KLF8: variants seen among roughly 807,000 people sequenced by gnomAD.
KLF8 encodes the protein KLF transcription factor 8.
KLF8 carries 10 observed loss-of-function variants against 18.2 expected under a neutral mutation model. The ratio of observed to expected loss-of-function variants is 0.55; its 90% CI spans 0.34 to 0.93. KLF8 has a LOEUF of 0.93. Among genes scored for constraint, KLF8 ranks in the 40% least tolerant of loss-of-function variants. The pLI, the probability that KLF8 is intolerant of heterozygous loss-of-function variation, is 0.02. For missense variants in KLF8, 264 were observed against 277.9 expected, an observed-to-expected ratio of 0.95 and a Z score of 0.36; for synonymous variants, 109 against 97.3, an observed-to-expected ratio of 1.12 and a Z score of -0.71.
At chrX:56,016,644 A>G in the KLF8 span, among the ~76,000 whole-genome samples, 1 of 111,676 alleles carries the variant, frequency 9.0e-6, no homozygotes, top group Non-Finnish European at 1.9e-5. Flanking sequence ...ATGGGAAACT[A>G]AGGCATAAAG....
At chrX:55,916,360 C>G in the KLF8 span, among the ~76,000 whole-genome samples, 1 of 111,702 alleles carries the variant, frequency 9.0e-6, no homozygotes, top group Admixed American at 9.5e-5. Flanking sequence ...AGGCTACGTC[C>G]TGCTATTTTG....
chrX:56,091,859 T>C, the KLF8 span, among the ~76,000 whole-genome samples: 5 of 111,994 alleles, frequency 4.5e-5, no homozygotes, highest in African/African-American at 1.3e-4. Flanking sequence ...TGAATGCTAG[T>C]TCCATTTTTA....
chrX:56,115,367 G>A, the KLF8 span, among the ~76,000 whole-genome samples: 1 of 111,844 alleles, frequency 8.9e-6, no homozygotes, highest in Non-Finnish European at 1.9e-5. Flanking sequence ...CTCAAGTCCT[G>A]ATTTATCTCA....
the KLF8 span, among the ~76,000 whole-genome samples, chrX:56,220,537 G>C: frequency 1.8e-5 from 2 of 111,008 alleles, no homozygotes; most frequent in African/African-American, 6.6e-5. Flanking sequence ...CCAGGATGGA[G>C]TGCAATGGCT....
chrX:56,041,531 T>G, the KLF8 span, among the ~76,000 whole-genome samples: 1 of 110,817 alleles, frequency 9.0e-6, no homozygotes, highest in East Asian at 2.8e-4. Context: ...GAATGGTTTT[T>G]CATGTCTCTA....
chrX:56,239,696 A>G (rs1447065193), intron 1 of KLF8, among the ~76,000 whole-genome samples: 2 of 112,137 alleles, frequency 1.8e-5, no homozygotes, highest in African/African-American at 6.5e-5. Flanking sequence ...TAGTAGTTCT[A>G]CTTTCTCCAA....
the KLF8 span, among the ~76,000 whole-genome samples, chrX:56,223,650 G>A: frequency 8.9e-6 from 1 of 112,598 alleles, no homozygotes; most frequent in Non-Finnish European, 1.9e-5. Flanking sequence ...TAGTGGGAGA[G>A]ATAGGCATAG....
chrX:56,209,767 G>C, the KLF8 span, among the ~76,000 whole-genome samples: 1 of 111,180 alleles, frequency 9.0e-6, no homozygotes, highest in Non-Finnish European at 1.9e-5. Context: ...CTGGTTATAT[G>C]ATTTTGTTTA....
the KLF8 span, among the ~76,000 whole-genome samples, chrX:56,005,529 GGGGGT>G: frequency 1.8e-5 from 2 of 112,029 alleles, no homozygotes; most frequent in African/African-American, 6.5e-5. Flanking sequence ...TGGCAGCACA[GGGGGT>G]GGGGTGGGGT....
chrX:55,986,725 T>TTAA, the KLF8 span, among the ~76,000 whole-genome samples: 1 of 111,998 alleles, frequency 8.9e-6, no homozygotes, highest in East Asian at 2.8e-4. Context: ...GTTCACAGAG[T>TTAA]TAATGTACAA....
the KLF8 span, among the ~76,000 whole-genome samples, chrX:56,187,196 C>T: frequency 1.8e-5 from 2 of 111,404 alleles, no homozygotes; most frequent in Non-Finnish European, 3.8e-5. Flanking sequence ...GGGATATCAC[C>T]ATCGATCCCA....
chrX:56,077,789 C>T, the KLF8 span, among the ~76,000 whole-genome samples: 1 of 111,504 alleles, frequency 9.0e-6, no homozygotes, highest in Non-Finnish European at 1.9e-5. Flanking sequence ...GAATGTTCTT[C>T]CATTTGTTTG....
rs1018597232 is a variant in KLF8, at chrX:56,268,883, G to A, written c.647-495G>A. ...AGCACCTACTAGGTGGTAGGTATAC[G>A]TTTCATCTCATTGACTTATTTCTGT... On this transcript the variant is annotated intron_variant, in intron 3 of 5. Coordinates refer to ENST00000468660, the MANE Select transcript of KLF8 (RefSeq NM_007250.5). 1.4e-5 allele frequency: 13 copies of A among 932,175 alleles called. No individual in the cohort carries two copies. In the African/African-American group the frequency reaches 1.4e-4, roughly 10 times the overall value. 76.8% of individuals were successfully genotyped at this position (932,175 alleles called of 1,213,427 possible). A position where few individuals can be genotyped will look rare whatever the true frequency, so the allele number is the denominator to read the frequency against.
chrX:55,946,014 C>T, the KLF8 span, among the ~76,000 whole-genome samples: 760 of 111,618 alleles, frequency 6.8e-3, 30 homozygotes, highest in Admixed American at 0.065. Context: ...GAACATTCCA[C>T]GCTCTTGCAT....
the KLF8 span, among the ~76,000 whole-genome samples, chrX:56,049,646 A>T: frequency 2.9e-5 from 3 of 101,923 alleles, no homozygotes; most frequent in East Asian, 9.1e-4. Flanking sequence ...AAGCTTTTTG[A>T]TGTGCTGCTG....
At chrX:55,941,137 A>AACCAAAACAGCATGGTATTGGT in the KLF8 span, among the ~76,000 whole-genome samples, 1 of 112,234 alleles carries the variant, frequency 8.9e-6, no homozygotes, top group African/African-American at 3.2e-5. Flanking sequence ...AGGCTACAGT[A>AACCAAAACAGCATGGTATTGGT]ACCAAAACAG....
At chrX:56,156,189 C>G in the KLF8 span, among the ~76,000 whole-genome samples, 1 of 112,102 alleles carries the variant, frequency 8.9e-6, no homozygotes, top group South Asian at 3.7e-4. Flanking sequence ...TGTTTATGTT[C>G]TTCTTTGATG....
At chrX:56,052,270 G>A in the KLF8 span, among the ~76,000 whole-genome samples, 1,242 of 112,169 alleles carry the variant, frequency 0.011, 10 homozygotes, top group African/African-American at 0.039. Context: ...CTCTCAGCTC[G>A]TCAAAGTCAT....
At chrX:56,180,745 G>C in the KLF8 span, among the ~76,000 whole-genome samples, 1 of 111,694 alleles carries the variant, frequency 9.0e-6, no homozygotes, top group Non-Finnish European at 1.9e-5. Context: ...GGAGCAAGTA[G>C]TTCAGTTTCC....
Sources: allele counts gnomAD v4.1 joint callset (sites outside exome capture counted in the v4.1 genomes callset), GRCh38; gene constraint gnomAD v4.1.1; transcripts MANE v1.5; gene names NCBI Gene and HGNC (gene_info 2026-07-23, HGNC 2026-07-21).